Variants in GRM5 observed in about 807,000 individuals in gnomAD.
GRM5 encodes metabotropic glutamate receptor 5.
A neutral mutation model predicts 83.1 loss-of-function variants in GRM5; 19 were observed. The observed-to-expected ratio is 0.23, with a 90% CI of 0.16 to 0.34. The LOEUF (loss-of-function observed/expected upper bound fraction) is 0.34, where lower values mean the gene tolerates loss of function less well. Ranked by LOEUF, GRM5 falls within the 10% of genes least tolerant of loss-of-function variation. The pLI, the probability that GRM5 is intolerant of heterozygous loss-of-function variation, is 1.00. For synonymous variants in GRM5, 675 were observed against 633.6 expected, an observed-to-expected ratio of 1.07 and a Z score of -0.98; for missense variants, 1,160 against 1,588.3, an observed-to-expected ratio of 0.73 and a Z score of 4.58.
At chr11:88,579,672 G>A (rs1943185734) in intron 7 of GRM5, among the ~76,000 whole-genome samples, 1 of 152,118 alleles carries the variant, frequency 6.6e-6, no homozygotes, top group South Asian at 2.1e-4. Context: ...CCAATGTATT[G>A]GGAGGAAGAA....
At chr11:88,723,236 T>C (rs928752063) in intron 3 of GRM5, among the ~76,000 whole-genome samples, 17 of 151,662 alleles carry the variant, frequency 1.1e-4, no homozygotes, top group Non-Finnish European at 4.4e-5. Flanking sequence ...CACTGACTAC[T>C]ATTCTATTGT....
At chr11:88,870,706 T>C (rs546741036) in intron 2 of GRM5, among the ~76,000 whole-genome samples, 1 of 151,566 alleles carries the variant, frequency 6.6e-6, no homozygotes, top group East Asian at 1.9e-4. Flanking sequence ...ACAAGGAATC[T>C]ACAAAACGAC....
intron 1 of GRM5, among the ~76,000 whole-genome samples, chr11:89,054,282 T>C (rs1941824287): frequency 6.6e-6 from 1 of 152,136 alleles, no homozygotes; most frequent in Non-Finnish European, 1.5e-5. Flanking sequence ...TGACGTAGGA[T>C]GTTGGAGAAA....
chr11:89,029,466 T>A (rs1941209536), intron 2 of GRM5, among the ~76,000 whole-genome samples: 1 of 152,196 alleles, frequency 6.6e-6, no homozygotes, highest in Non-Finnish European at 1.5e-5. Context: ...TTCTTCAGAT[T>A]CTGGTATAAT....
chr11:88,950,235 G>T (rs1308349423), intron 2 of GRM5, among the ~76,000 whole-genome samples: 1 of 151,818 alleles, frequency 6.6e-6, no homozygotes, highest in Non-Finnish European at 1.5e-5. Context: ...TTTACATTTT[G>T]TATCTGTGTT....
chr11:88,825,309 G>A (rs949689075), intron 3 of GRM5, among the ~76,000 whole-genome samples: 11 of 151,056 alleles, frequency 7.3e-5, no homozygotes, highest in African/African-American at 2.4e-4. Flanking sequence ...TTGTTTTTGT[G>A]AACACCCCTC....
chr11:88,641,215 A>C (rs575473657), intron 4 of GRM5, among the ~76,000 whole-genome samples: 1 of 152,124 alleles, frequency 6.6e-6, no homozygotes, highest in African/African-American at 2.4e-5. Flanking sequence ...ACTTTACAAT[A>C]GCTAGATCCT....
intron 2 of GRM5, among the ~76,000 whole-genome samples, chr11:88,990,037 C>T (rs1300151874): frequency 6.6e-6 from 1 of 151,604 alleles, no homozygotes; most frequent in Non-Finnish European, 1.5e-5. Flanking sequence ...GAAGTAGAGA[C>T]ACAAAAAACT....
intron 3 of GRM5, among the ~76,000 whole-genome samples, chr11:88,829,790 G>C (rs1362615406): frequency 6.6e-6 from 1 of 151,938 alleles, no homozygotes; most frequent in African/African-American, 2.4e-5. Flanking sequence ...GAAATTTTTT[G>C]GATCAAAAAG....
chr11:88,767,042 CTT>C (rs931193139), intron 3 of GRM5, among the ~76,000 whole-genome samples: 30 of 151,736 alleles, frequency 2.0e-4, no homozygotes, highest in African/African-American at 6.8e-4. Flanking sequence ...ATTTTTTTCT[CTT>C]GTTTGATACA....
intron 3 of GRM5, among the ~76,000 whole-genome samples, chr11:88,700,783 C>G (rs1235855411): frequency 1.3e-5 from 2 of 152,222 alleles, no homozygotes; most frequent in South Asian, 2.1e-4. Context: ...TGGCACCTAC[C>G]AGAAACTGCT....
intron 3 of GRM5, among the ~76,000 whole-genome samples, chr11:88,733,549 G>A (rs1381142296): frequency 6.6e-6 from 1 of 151,920 alleles, no homozygotes; most frequent in Non-Finnish European, 1.5e-5. Flanking sequence ...TGAAAACCCA[G>A]CGAATTTTCT....
chr11:88,972,169 G>C (rs190933558), intron 2 of GRM5, among the ~76,000 whole-genome samples: 4 of 151,978 alleles, frequency 2.6e-5, no homozygotes, highest in Admixed American at 6.6e-5. Flanking sequence ...AGAAACATTC[G>C]AACCGTAATA....
At chr11:89,025,978 T>G (rs1309165437) in intron 2 of GRM5, among the ~76,000 whole-genome samples, 1 of 152,326 alleles carries the variant, frequency 6.6e-6, no homozygotes, top group Non-Finnish European at 1.5e-5. Flanking sequence ...GCGGTACATA[T>G]ACGCAGTGAA....
intron 3 of GRM5, among the ~76,000 whole-genome samples, chr11:88,685,585 G>A (rs1038004780): frequency 6.6e-6 from 1 of 152,170 alleles, no homozygotes; most frequent in Non-Finnish European, 1.5e-5. Context: ...TTCATGGCAG[G>A]CCCTCCCATC....
intron 8 of GRM5, among the ~76,000 whole-genome samples, chr11:88,539,310 C>G (rs4753502): frequency 0.42 from 63,794 of 152,060 alleles, 15,623 homozygotes; most frequent in East Asian, 0.72. Flanking sequence ...AACTTTAGGT[C>G]TCACAAAGCC....
intron 7 of GRM5, among the ~76,000 whole-genome samples, chr11:88,584,205 TAC>T (rs10526384): frequency 0.055 from 7,833 of 143,664 alleles, 200 homozygotes; most frequent in East Asian, 0.072. Context: ...TGTTTCAAAT[TAC>T]ACACACACAC....
intron 2 of GRM5, among the ~76,000 whole-genome samples, chr11:88,966,425 G>GA (rs943429235): frequency 6.6e-6 from 1 of 151,898 alleles, no homozygotes; most frequent in Non-Finnish European, 1.5e-5. Context: ...TGTGTTTTTG[G>GA]AAAAAATAAA....
At chr11:88,680,552 C>G (rs547355563) in intron 3 of GRM5, among the ~76,000 whole-genome samples, 4 of 152,230 alleles carry the variant, frequency 2.6e-5, no homozygotes, top group African/African-American at 9.6e-5. Context: ...CTAGTTCAAC[C>G]ATTGTGGAAG....
Sources: allele counts gnomAD v4.1 joint callset (sites outside exome capture counted in the v4.1 genomes callset), GRCh38; gene constraint gnomAD v4.1.1; transcripts MANE v1.5; gene names NCBI Gene and HGNC (gene_info 2026-07-23, HGNC 2026-07-21).